The following DIAPH2 variants were observed in gnomAD, a reference collection of about 807,000 sequenced individuals.
The protein encoded by DIAPH2 is protein diaphanous homolog 2.
In DIAPH2, 35 loss-of-function variants were observed where a neutral mutation model predicts 92.7. The observed-to-expected ratio is 0.38, with a 90% CI of 0.29 to 0.50. DIAPH2 has a LOEUF of 0.50. Among genes scored for constraint, DIAPH2 ranks in the 20% least tolerant of loss-of-function variants. The pLI is 0.94. For missense variants in DIAPH2, 701 were observed against 819.5 expected (o/e 0.86, Z 1.77); for synonymous variants, 301 against 280.4 (o/e 1.07, Z -0.73).
chrX:96,885,947 G>C (rs1569420621), intron 5 of DIAPH2, among the ~76,000 whole-genome samples: 1 of 111,614 alleles, frequency 9.0e-6, no homozygotes, highest in Non-Finnish European at 1.9e-5. Flanking sequence ...GAAACTTACT[G>C]AGTTTAACAC....
At chrX:97,094,410 A>G (rs2066850546) in intron 19 of DIAPH2, among the ~76,000 whole-genome samples, 1 of 112,139 alleles carries the variant, frequency 8.9e-6, no homozygotes, top group South Asian at 3.7e-4. Flanking sequence ...TATTTCTAAG[A>G]CACACTTGTT....
intron 20 of DIAPH2, among the ~76,000 whole-genome samples, chrX:97,112,775 T>C (rs1397193538): frequency 4.4e-5 from 3 of 68,101 alleles, no homozygotes; most frequent in South Asian, 9.3e-4. Flanking sequence ...CTTTTTTTTT[T>C]TTTTTTTTTT....
chrX:97,128,428 C>T (rs928043625), intron 21 of DIAPH2, among the ~76,000 whole-genome samples: 3 of 111,273 alleles, frequency 2.7e-5, no homozygotes, highest in African/African-American at 6.6e-5. Flanking sequence ...TTGTGCTCAC[C>T]TCCTATCTCA....
At chrX:96,717,463 G>C (rs1391422559) in intron 1 of DIAPH2, among the ~76,000 whole-genome samples, 3 of 107,523 alleles carry the variant, frequency 2.8e-5, no homozygotes, top group Non-Finnish European at 5.7e-5. Context: ...AGGCATAACT[G>C]TTTAGGACTG....
intron 26 of DIAPH2, among the ~76,000 whole-genome samples, chrX:97,458,018 G>T (rs991756912): frequency 2.7e-5 from 3 of 111,900 alleles, no homozygotes; most frequent in Non-Finnish European, 5.6e-5. Flanking sequence ...GCTTCCCCAA[G>T]AGTGAGTGAT....
At chrX:97,386,869 C>T (rs1181670345) in intron 25 of DIAPH2, among the ~76,000 whole-genome samples, 1 of 106,226 alleles carries the variant, frequency 9.4e-6, no homozygotes, top group Non-Finnish European at 1.9e-5. Flanking sequence ...TAGGTATACA[C>T]GTGCCATGGT....
chrX:97,083,500 TTCTC>T (rs1033103489), intron 19 of DIAPH2, among the ~76,000 whole-genome samples: 1 of 111,291 alleles, frequency 9.0e-6, no homozygotes, highest in Non-Finnish European at 1.9e-5. Context: ...GGGCCCATTT[TTCTC>T]TCTCTCTCTT....
intron 19 of DIAPH2, among the ~76,000 whole-genome samples, chrX:97,088,625 G>A (rs1312932701): frequency 9.0e-6 from 1 of 111,642 alleles, no homozygotes; most frequent in Non-Finnish European, 1.9e-5. Flanking sequence ...ATATTAAACT[G>A]ACTTTCAGAT....
intron 17 of DIAPH2, among the ~76,000 whole-genome samples, chrX:97,019,608 T>C (rs2066283805): frequency 9.0e-6 from 1 of 110,858 alleles, no homozygotes; most frequent in Admixed American, 9.7e-5. Flanking sequence ...ATTCTACATA[T>C]ATGGATGGAA....
intron 23 of DIAPH2, among the ~76,000 whole-genome samples, chrX:97,282,029 A>G (rs1351865650): frequency 1.8e-5 from 2 of 111,087 alleles, no homozygotes; most frequent in Non-Finnish European, 3.8e-5. Context: ...CTTTCAAGAA[A>G]AAAAGAAAAA....
intron 5 of DIAPH2, among the ~76,000 whole-genome samples, chrX:96,900,860 TTAGC>T (rs1335816908): frequency 8.9e-6 from 1 of 112,133 alleles, no homozygotes; most frequent in Non-Finnish European, 1.9e-5. Flanking sequence ...TTGGATTCAG[TTAGC>T]TAGTATTTTG....
At chrX:96,917,736 A>G (rs2065514499) in intron 8 of DIAPH2, among the ~76,000 whole-genome samples, 2 of 111,139 alleles carry the variant, frequency 1.8e-5, no homozygotes, top group Admixed American at 1.9e-4. Flanking sequence ...AGATAATTAT[A>G]CATTCTTCTT....
Position 96,917,266 on chromosome X carries a change from G to A in DIAPH2, c.869+692G>A, listed in dbSNP as rs761473269. Reference sequence around the variant, plus strand: ...AAAATATTTCCTTGGAACACTTTGCGTGACAGTAATAATGTCAATTTGAGT... The same window carrying A: ...AAAATATTTCCTTGGAACACTTTGCATGACAGTAATAATGTCAATTTGAGT... On this transcript the variant is annotated intron_variant, in intron 8 of 26. Transcript: ENST00000324765. Among the ~76,000 whole-genome samples the A allele has an allele frequency of 1.2e-4, 13 of 111,310 alleles. No individual in the cohort carries two copies. In the South Asian group the frequency reaches 1.5e-3, roughly 13 times the overall value.
At chrX:97,240,554 C>T (rs970947628) in intron 22 of DIAPH2, among the ~76,000 whole-genome samples, 15 of 105,047 alleles carry the variant, frequency 1.4e-4, no homozygotes, top group African/African-American at 5.0e-4. Context: ...TGTAGTGAGC[C>T]GAGATTGTAC....
intron 17 of DIAPH2, among the ~76,000 whole-genome samples, chrX:97,048,476 G>T (rs2066499012): frequency 9.0e-6 from 1 of 111,449 alleles, no homozygotes; most frequent in Non-Finnish European, 1.9e-5. Flanking sequence ...CCTCTCATTG[G>T]AGAAGTCAGT....
chrX:96,820,459 G>T (rs989978760), intron 4 of DIAPH2, among the ~76,000 whole-genome samples: 1 of 111,524 alleles, frequency 9.0e-6, no homozygotes, highest in African/African-American at 3.3e-5. Context: ...GACAGAGCGA[G>T]ACTCTGTCTC....
At chrX:97,480,842 C>T (rs776889600) in intron 26 of DIAPH2, among the ~76,000 whole-genome samples, 1 of 111,908 alleles carries the variant, frequency 8.9e-6, no homozygotes, top group African/African-American at 3.2e-5. Flanking sequence ...TATTGACTAC[C>T]CTCTTCTACC....
intron 17 of DIAPH2, among the ~76,000 whole-genome samples, chrX:97,024,430 G>T (rs546823325): frequency 1.5e-3 from 170 of 111,802 alleles, no homozygotes; most frequent in African/African-American, 4.6e-3. Context: ...TAGGGATTCA[G>T]ATCATTCCCA....
intron 26 of DIAPH2, among the ~76,000 whole-genome samples, chrX:97,481,413 T>C (rs994031453): frequency 1.8e-5 from 2 of 111,452 alleles, no homozygotes; most frequent in Admixed American, 9.6e-5. Flanking sequence ...CTAAGGGCAT[T>C]CCAGCTAAAC....
Sources: gnomAD v4.1 joint callset for allele counts (sites outside exome capture counted in the v4.1 genomes callset) on GRCh38, gnomAD v4.1.1 for gene constraint, MANE v1.5 for transcripts, NCBI Gene and HGNC (gene_info 2026-07-23, HGNC 2026-07-21) for gene names.